SMARCC1: variants seen among roughly 807,000 people sequenced by gnomAD.
SMARCC1 encodes SWI/SNF complex subunit SMARCC1.
A neutral mutation model predicts 147.4 loss-of-function variants in SMARCC1; 43 were observed. That is an observed-to-expected ratio of 0.29 (90% CI 0.23 to 0.38). The LOEUF is 0.38. Among genes scored for constraint, SMARCC1 ranks in the 10% least tolerant of loss-of-function variants. SMARCC1 has a pLI of 1.00. For missense variants in SMARCC1, 1,119 were observed against 1,381.1 expected (o/e 0.81, Z 3.01); for synonymous variants, 495 against 484.4 (o/e 1.02, Z -0.29).
chr3:47,687,906 G>A (rs961487932), intron 13 of SMARCC1, among the ~76,000 whole-genome samples: 1 of 152,124 alleles, frequency 6.6e-6, no homozygotes, highest in Non-Finnish European at 1.5e-5. Flanking sequence ...TGACGTCATA[G>A]GTGCCAATCT....
intron 25 of SMARCC1, among the ~76,000 whole-genome samples, chr3:47,621,180 G>C (rs540062690): frequency 6.6e-6 from 1 of 151,682 alleles, no homozygotes; most frequent in Non-Finnish European, 1.5e-5. Flanking sequence ...TGCGCCTGTA[G>C]TCCCAGCTAC....
intron 19 of SMARCC1, among the ~76,000 whole-genome samples, chr3:47,663,098 GAGGGAGGGAGGGAGGGAGGGAAGGA>G (rs1462966566): frequency 8.3e-6 from 1 of 119,776 alleles, no homozygotes; most frequent in East Asian, 2.8e-4. Context: ...CAAAAGAAAA[GAGGGAGGGAGGGAGGGAGGGAAGGA>G]AGGGAGGGAG....
chr3:47,684,219 G>T (rs1284672783), intron 14 of SMARCC1, among the ~76,000 whole-genome samples: 3 of 136,988 alleles, frequency 2.2e-5, no homozygotes, highest in African/African-American at 5.4e-5. Flanking sequence ...CAGCCTGGGC[G>T]ACAGAGCGAG....
At position 47,620,289 on chromosome 3, in the gene SMARCC1, C is replaced by G. The variant is rs2032708277; in HGVS notation, c.2781+1918G>C. Among the ~76,000 whole-genome samples, 4 of 151,954 alleles carry G rather than the reference C, an allele frequency of 2.6e-5. No homozygotes were observed. In the South Asian group the frequency reaches 8.3e-4, roughly 32 times the overall value. On this transcript the variant is annotated intron_variant, in intron 25 of 27. Coordinates refer to ENST00000254480, the MANE Select transcript of SMARCC1 (RefSeq NM_003074.4). The stretch of plus-strand genomic sequence containing the variant: ...ACCAGCCCAGGCAACACAGTGAAAC[C>G]CTGTCTCTACAAAAAAACAAAAAAT...
intron 18 of SMARCC1, among the ~76,000 whole-genome samples, chr3:47,671,222 A>G (rs933863605): frequency 6.6e-6 from 1 of 150,526 alleles, no homozygotes; most frequent in African/African-American, 2.4e-5. Context: ...CAAAACCAAA[A>G]AAGACTTCCT....
At chr3:47,663,783 C>A in intron 19 of SMARCC1, 4 of 1,576,446 alleles carry the variant, frequency 2.5e-6, no homozygotes, top group South Asian at 2.2e-5. Flanking sequence ...CTGGCCACGG[C>A]GGCCGCCCTC....
intron 24 of SMARCC1, among the ~76,000 whole-genome samples, chr3:47,632,959 T>C (rs1288002444): frequency 8.5e-6 from 1 of 118,068 alleles, no homozygotes; most frequent in African/African-American, 2.8e-5. Flanking sequence ...ATTCCATTTA[T>C]ATGAAGTTAA....
At chr3:47,774,569 C>A (rs1480947240) in intron 1 of SMARCC1, among the ~76,000 whole-genome samples, 1 of 152,020 alleles carries the variant, frequency 6.6e-6, no homozygotes, top group East Asian at 1.9e-4. Flanking sequence ...AGGCACCCAC[C>A]ACCATTCCCG....
At chr3:47,671,173 C>CAAAAAAAAAAAAAAAAAAAAAAAAAA (rs775759680) in intron 18 of SMARCC1, among the ~76,000 whole-genome samples, 7 of 29,240 alleles carry the variant, frequency 2.4e-4, no homozygotes, top group African/African-American at 6.6e-4. Context: ...GAGACTATCT[C>CAAAAAAAAAAAAAAAAAAAAAAAAAA]AAAAAAAAAA....
chr3:47,628,055 A>AT lies in SMARCC1; in HGVS notation c.2647-5715dup, dbSNP rs148802892. Among the ~76,000 whole-genome samples, 1,210 of 149,594 alleles carry AT rather than the reference A, an allele frequency of 8.1e-3. 11 individuals are homozygous for AT. Among genetic ancestry groups the AT allele is most frequent in the African/African-American group, 0.028 (1,131 of 39,966 alleles). ...TTTATAGCATGTCTCCTATATATAT[A>AT]TATATTTTTTCTTTCATTGAGCTTC... On this transcript the variant is annotated intron_variant, in intron 24 of 27. Coordinates refer to ENST00000254480, the MANE Select transcript of SMARCC1 (RefSeq NM_003074.4).
chr3:47,600,071 C>A (rs2032359393), intron 26 of SMARCC1, among the ~76,000 whole-genome samples: 4 of 152,144 alleles, frequency 2.6e-5, no homozygotes, highest in Non-Finnish European at 5.9e-5. Flanking sequence ...CTAAAAAAAC[C>A]TTTCTTTTCA....
chr3:47,663,639 C>A, intron 19 of SMARCC1: 1 of 1,511,026 alleles, frequency 6.6e-7, no homozygotes. Flanking sequence ...CCTGTGATTC[C>A]AGAGGTCCCC....
chr3:47,777,675 G>A (rs2034991716), intron 1 of SMARCC1, among the ~76,000 whole-genome samples: 1 of 151,554 alleles, frequency 6.6e-6, no homozygotes, highest in African/African-American at 2.4e-5. Context: ...CTACAGTCAT[G>A]TGCCACCACA....
chr3:47,728,077 CCTTTTT>C (rs1287720540), intron 6 of SMARCC1, among the ~76,000 whole-genome samples: 3 of 59,682 alleles, frequency 5.0e-5, no homozygotes, highest in Non-Finnish European at 1.0e-4. Flanking sequence ...CTTATTAGTC[CCTTTTT>C]TTTTTTTTTT....
intron 26 of SMARCC1, among the ~76,000 whole-genome samples, chr3:47,600,069 A>G (rs1418781794): frequency 1.3e-5 from 2 of 152,202 alleles, no homozygotes; most frequent in Non-Finnish European, 2.9e-5. Context: ...AGCTAAAAAA[A>G]CCTTTCTTTT....
intron 21 of SMARCC1, among the ~76,000 whole-genome samples, chr3:47,654,541 T>C (rs1258441329): frequency 1.3e-5 from 2 of 152,230 alleles, no homozygotes; most frequent in Admixed American, 1.3e-4. Context: ...TTTCTGCTGC[T>C]ATAAAAGCCT....
chr3:47,648,816 A>C (rs780957067), intron 21 of SMARCC1, among the ~76,000 whole-genome samples: 3 of 152,196 alleles, frequency 2.0e-5, no homozygotes, highest in African/African-American at 4.8e-5. Flanking sequence ...TGTGTAGCAC[A>C]AAAAATAGCT....
At chr3:47,604,873 A>G (rs1201534786) in intron 26 of SMARCC1, among the ~76,000 whole-genome samples, 2 of 151,742 alleles carry the variant, frequency 1.3e-5, no homozygotes, top group African/African-American at 2.4e-5. Context: ...TAATTTTCCT[A>G]TTTTTAGTAG....
At chr3:47,648,034 G>A (rs923676404) in intron 21 of SMARCC1, among the ~76,000 whole-genome samples, 1 of 152,032 alleles carries the variant, frequency 6.6e-6, no homozygotes, top group African/African-American at 2.4e-5. Context: ...TCACTCTGTT[G>A]CCCAGGCTGG....
Sources: allele counts gnomAD v4.1 joint callset (sites outside exome capture counted in the v4.1 genomes callset), GRCh38; gene constraint gnomAD v4.1.1; transcripts MANE v1.5; gene names NCBI Gene and HGNC (gene_info 2026-07-23, HGNC 2026-07-21).